Variants in ZNF793 observed in about 807,000 individuals in gnomAD.
ZNF793 encodes zinc finger protein 793.
Under a neutral mutation model 12.4 loss-of-function variants are expected in ZNF793, and 5 were observed. That is an observed-to-expected ratio of 0.40 (90% CI 0.21 to 0.84). The LOEUF (loss-of-function observed/expected upper bound fraction) is 0.84. Ranked by LOEUF, ZNF793 falls within the 40% of genes least tolerant of loss-of-function variation. The pLI, the probability that ZNF793 is intolerant of heterozygous loss-of-function variation, is 0.35. For missense variants in ZNF793, 456 were observed against 495.0 expected (o/e 0.92, Z 0.75); for synonymous variants, 162 against 172.4 (o/e 0.94, Z 0.47).
Position 37,537,502 on chromosome 19 carries a change from C to A in ZNF793, c.844C>A (p.Pro282Thr), listed in dbSNP as rs1259159732. 4 of 1,614,082 alleles carry A rather than the reference C, an allele frequency of 2.5e-6. No individual in the cohort carries two copies. Among genetic ancestry groups the A allele is most frequent in the East Asian group, 4.5e-5 (2 of 44,878 alleles). The change falls in exon 8 of 8, where the codon CCC (proline) becomes ACC (threonine). Residue 282 changes from proline (P) to threonine (T), a missense_variant. Coordinates refer to ENST00000627814, the MANE Select transcript of ZNF793 (RefSeq NM_001013659.3). ...KHQRIHTGVR[P>T]FECFFCGKAF... The stretch of plus-strand genomic sequence containing the variant: ...CCAGAGAATTCACACTGGGGTAAGA[C>A]CCTTTGAATGTTTTTTTTGTGGGAA...
At chr19:37,506,784 A>G (rs1478811284), upstream of ZNF793, 1 of 152,244 alleles carries the variant, frequency 6.6e-6, no homozygotes, top group African/African-American at 2.4e-5. Flanking sequence ...GTTTTACGGC[A>G]CAGTTTTAAA....
At chr19:37,515,394 G>A (rs761932605) in intron 2 of ZNF793, among the ~76,000 whole-genome samples, 3 of 151,136 alleles carry the variant, frequency 2.0e-5, no homozygotes, top group East Asian at 1.9e-4. Flanking sequence ...TGCAAGCTCC[G>A]CTTCCCGGGT....
chr19:37,536,926 A>G lies in ZNF793; in HGVS notation c.268A>G (p.Lys90Glu). 1 of 1,611,376 alleles carries G rather than the reference A, an allele frequency of 6.2e-7. No individual in the cohort carries two copies. Residue 90 changes from lysine (K) to glutamate (E), a missense_variant, in exon 8 of 8, where the codon AAA (lysine) becomes GAA (glutamate). By Grantham distance (56) the Lys-to-Glu change is moderately conservative (BLOSUM62 1). Transcript: ENST00000627814. ...EDIWRVNIQR[K>E]RRQDMLLRPG... ...CATCTGGCGAGTTAATATCCAGAGG[A>G]AAAGACGGCAAGACATGCTTTTGAG... is the stretch of plus-strand genomic sequence containing the variant.
intron 2 of ZNF793, among the ~76,000 whole-genome samples, chr19:37,509,089 G>T (rs1011457305): frequency 7.2e-5 from 11 of 152,194 alleles, no homozygotes; most frequent in African/African-American, 2.7e-4. Flanking sequence ...ATGGAAATAA[G>T]ATTTGAAAAA....
chr19:37,537,147 A>G lies in ZNF793; in HGVS notation c.489A>G (p.Gln163=). 2 of 1,613,574 alleles carry G rather than the reference A, an allele frequency of 1.2e-6. No individual in the cohort carries two copies. Among genetic ancestry groups the G allele is most frequent in the Admixed American group, 1.7e-5 (1 of 59,936 alleles). Reference sequence around the variant, plus strand: ...TTAAGAGAAACTGTGCAAAAAAGCAAGATGAGTGTTATGCTTATGGGAAAT... The same window carrying G: ...TTAAGAGAAACTGTGCAAAAAAGCAGGATGAGTGTTATGCTTATGGGAAAT... The part of the protein sequence containing the change: ...IGFKRNCAKK[Q]DECYAYGKLL... Residue 163 remains glutamine, a synonymous_variant, in exon 8 of 8, where the codon CAA becomes CAG. Transcript: ENST00000627814.
intron 2 of ZNF793, among the ~76,000 whole-genome samples, chr19:37,515,371 A>C (rs1408182095): frequency 6.6e-6 from 1 of 151,216 alleles, no homozygotes; most frequent in Non-Finnish European, 1.5e-5. Context: ...GCAGTGGCGC[A>C]ATCTCAGCTC....
intron 2 of ZNF793, among the ~76,000 whole-genome samples, chr19:37,515,664 A>G (rs2042326458): frequency 6.6e-6 from 1 of 152,166 alleles, no homozygotes; most frequent in African/African-American, 2.4e-5. Context: ...GCCATTTAGA[A>G]TGGTAACTGA....
At chr19:37,531,775 T>G (rs896312845) in intron 5 of ZNF793, among the ~76,000 whole-genome samples, 2 of 152,196 alleles carry the variant, frequency 1.3e-5, no homozygotes, top group Non-Finnish European at 2.9e-5. Flanking sequence ...GCTCTCTCTG[T>G]GCCAGACAGT....
In ZNF793 at chr19:37,540,966, TATA is replaced by T. The variant is rs1422590197; in HGVS notation, c.*3093_*3095del. The T allele has an allele frequency of 6.6e-6, 1 of 151,882 alleles. No homozygotes were observed. The highest frequency in any genetic ancestry group is 1.5e-5 in the Non-Finnish European group (1 of 67,990). The allele number at this position is 151,882 out of a possible 1,614,324, so 9.4% of individuals were successfully genotyped here. A position where few individuals can be genotyped will look rare whatever the true frequency, so the allele number is the denominator to read the frequency against. ...TAAATATATACAACAATTATATATC[TATA>T]ATAATTAAAAATTTTTAAAATGCCA... On this transcript the variant is annotated 3_prime_UTR_variant, in exon 8 of 8. Coordinates refer to ENST00000627814, the MANE Select transcript of ZNF793 (RefSeq NM_001013659.3).
At chr19:37,530,091 G>A (rs1194889272) in intron 5 of ZNF793, among the ~76,000 whole-genome samples, 3 of 151,960 alleles carry the variant, frequency 2.0e-5, no homozygotes, top group Non-Finnish European at 2.9e-5. Context: ...CATAGACAAG[G>A]TAAATAATTA....
intron 2 of ZNF793, among the ~76,000 whole-genome samples, chr19:37,514,543 G>T (rs1396306520): frequency 2.0e-5 from 3 of 150,532 alleles, no homozygotes; most frequent in Non-Finnish European, 4.4e-5. Flanking sequence ...GTGACAGAGT[G>T]AGACCCTGTC....
rs1474594273 is a variant in ZNF793 at position 37,533,363 on chromosome 19, A to G, written c.198A>G (p.Pro66=). Residue 66 remains proline, a synonymous_variant, in exon 7 of 8, where the codon CCA becomes CCG. Coordinates refer to ENST00000627814, the MANE Select transcript of ZNF793 (RefSeq NM_001013659.3). ...TCAGACTGGAGCAGGAAGAAGCACCATGGATTGGTGAGGCAGCATGCCCGG... is the reference window on the plus strand; with the variant it reads ...TCAGACTGGAGCAGGAAGAAGCACCGTGGATTGGTGAGGCAGCATGCCCGG... ...VILRLEQEEA[P]WIGEAACPGC... 6.2e-7 allele frequency: 1 copy of G among 1,614,014 alleles called. No individual in the cohort carries two copies. The highest frequency in any genetic ancestry group is 2.2e-5 in the East Asian group (1 of 44,876).
At chr19:37,514,520 C>A (rs1232796951) in intron 2 of ZNF793, among the ~76,000 whole-genome samples, 1 of 152,024 alleles carries the variant, frequency 6.6e-6, no homozygotes, top group Non-Finnish European at 1.5e-5. Context: ...TGTGCCACTG[C>A]ACTCCAGCGT....
chr19:37,537,798 A>C lies in ZNF793; in HGVS notation c.1140A>C (p.Pro380=). 6.2e-7 allele frequency: 1 copy of C among 1,614,086 alleles called. No homozygotes were observed. The highest frequency in any genetic ancestry group is 2.2e-5 in the East Asian group (1 of 44,892). ...NECGKAFYQK[P]NLSRHQKIHA... Reference sequence around the variant, plus strand: ...GTGGGAAAGCTTTCTACCAGAAGCCAAACCTCAGCAGACATCAGAAAATTC... The same window carrying C: ...GTGGGAAAGCTTTCTACCAGAAGCCCAACCTCAGCAGACATCAGAAAATTC... Residue 380 remains proline (P), a synonymous_variant, in exon 8 of 8, where the codon CCA becomes CCC. Coordinates refer to ENST00000627814, the MANE Select transcript of ZNF793 (RefSeq NM_001013659.3).
At position 37,532,442 on chromosome 19, in the gene ZNF793, G is replaced by C. The variant is rs746070805; in HGVS notation, c.102G>C (p.Arg34=). ...GTCCTGCTCAGAGGGCCCTGTACCG[G>C]GATGTGATGCTGGAAACCTATAGCA... ...RLSPAQRALY[R]DVMLETYSNL... is the part of the protein sequence containing the mutation. The change falls in exon 6 of 8, where the codon CGG becomes CGC. Residue 34 remains arginine, a synonymous_variant. Coordinates refer to ENST00000627814, the MANE Select transcript of ZNF793 (RefSeq NM_001013659.3). The C allele has an allele frequency of 2.0e-5, 32 of 1,612,976 alleles. No homozygotes were observed. The African/African-American group carries it at 2.0e-4, about 10-fold the overall frequency.
intron 5 of ZNF793, among the ~76,000 whole-genome samples, chr19:37,528,238 C>G (rs2042431690): frequency 6.6e-6 from 1 of 152,074 alleles, no homozygotes. Flanking sequence ...TATGGAAGTC[C>G]CAAACAGTGC....
At chr19:37,510,388 G>A (rs1005650043) in intron 2 of ZNF793, among the ~76,000 whole-genome samples, 5 of 151,028 alleles carry the variant, frequency 3.3e-5, no homozygotes, top group Admixed American at 2.0e-4. Context: ...GGTGGTGGGC[G>A]CCTGTAATCC....
chr19:37,532,390 T>A lies in ZNF793; in HGVS notation c.50T>A (p.Phe17Tyr). The change falls in exon 6 of 8, where the codon TTC (phenylalanine) becomes TAC (tyrosine). Residue 17 changes from phenylalanine (F) to tyrosine (Y), a missense_variant. Coordinates refer to ENST00000627814, the MANE Select transcript of ZNF793 (RefSeq NM_001013659.3). ...TCATTCAAAGATGTGGTTGTGGGCTTCACCCAAGAGGAGTGGCACCGGCTG... is the reference window on the plus strand; with the variant it reads ...TCATTCAAAGATGTGGTTGTGGGCTACACCCAAGAGGAGTGGCACCGGCTG... ...PVSFKDVVVG[F>Y]TQEEWHRLSP... The A allele has an allele frequency of 6.2e-7, 1 of 1,614,200 alleles. No homozygotes were observed. The highest frequency in any genetic ancestry group is 1.1e-5 in the South Asian group (1 of 91,082).
At chr19:37,519,052 G>A (rs2042355533) in intron 2 of ZNF793, among the ~76,000 whole-genome samples, 1 of 152,102 alleles carries the variant, frequency 6.6e-6, no homozygotes, top group Non-Finnish European at 1.5e-5. Context: ...GGATCACGAG[G>A]TCAGGAGATT....
Sources: gnomAD v4.1 joint callset for allele counts (sites outside exome capture counted in the v4.1 genomes callset) on GRCh38, gnomAD v4.1.1 for gene constraint, MANE v1.5 for transcripts, NCBI Gene and HGNC (gene_info 2026-07-23, HGNC 2026-07-21) for gene names.